FTCD: variants seen among roughly 807,000 people sequenced by gnomAD.
FTCD encodes formimidoyltransferase cyclodeaminase.
FTCD carries 76 observed loss-of-function variants against 62.9 expected under a neutral mutation model. That is an observed-to-expected ratio of 1.21 (90% CI 1.00 to 1.46). The LOEUF (loss-of-function observed/expected upper bound fraction) is 1.46. FTCD is among the 40% of genes most tolerant of loss of function. FTCD has a pLI of 0.00. For synonymous variants in FTCD, 397 were observed against 336.9 expected, an observed-to-expected ratio of 1.18 and a Z score of -1.95; for missense variants, 845 against 751.3, an observed-to-expected ratio of 1.12 and a Z score of -1.46.
chr21:46,155,406 TG>T, intron 1 of FTCD, 63 bp downstream of exon 1: 1 of 1,362,796 alleles, frequency 7.3e-7, no homozygotes. Flanking sequence ...CTCCATGGCC[TG>T]GGCCTTAGCC....
intron 8 of FTCD, 54 bp from the exon 9 acceptor site, chr21:46,146,001 A>C (rs1430017760): frequency 2.3e-5 from 26 of 1,130,732 alleles, no homozygotes; most frequent in Non-Finnish European, 3.1e-5. Context: ...GGGGGAGCGC[A>C]GTCCTCCCGG....
Position 46,137,344 on chromosome 21 carries a change from C to T in FTCD, c.1444-10G>A, listed in dbSNP as rs978588105. 4 of 1,599,992 alleles carry T rather than the reference C, an allele frequency of 2.5e-6. No individual in the cohort carries two copies. Among genetic ancestry groups the T allele is most frequent in the Non-Finnish European group, 3.4e-6 (4 of 1,168,256 alleles). ...GGGCTTTGGCCGCCACCTGCAAGGA[C>T]CCCAGGGAGCCCCTACATGGATCAA... On this transcript the variant is annotated splice_polypyrimidine_tract_variant and intron_variant, in intron 12 of 13. Transcript: ENST00000397746.
At position 46,138,898 on chromosome 21, in the gene FTCD, G is replaced by A; in HGVS notation, c.1286C>T (p.Thr429Ile). Residue 429 changes from threonine (T) to isoleucine (I), a missense_variant, in exon 11 of 14, where the codon ACA becomes ATA. Coordinates refer to ENST00000397746, the MANE Select transcript of FTCD (RefSeq NM_206965.2). The part of the protein sequence containing the change: ...YLEAMRLPKN[T>I]PEEKDRRTAA... ...GGCTCACCTGTCCTTTTCCTCAGGT[G>A]TGTTCTTGGGGAGCCTCATTGCTTC... is the stretch of plus-strand genomic sequence containing the variant. 6.2e-7 allele frequency: 1 copy of A among 1,613,044 alleles called. No homozygotes were observed. The highest frequency in any genetic ancestry group is 1.1e-5 in the South Asian group (1 of 91,068).
chr21:46,147,327 G>A (rs1439842691), intron 7 of FTCD, among the ~76,000 whole-genome samples: 2 of 151,408 alleles, frequency 1.3e-5, no homozygotes, highest in East Asian at 3.9e-4. Context: ...CTAATCACAA[G>A]CCACCCTGAC....
At chr21:46,150,946 C>T (rs542627893) in intron 5 of FTCD, among the ~76,000 whole-genome samples, 1 of 152,374 alleles carries the variant, frequency 6.6e-6, no homozygotes, top group African/African-American at 2.4e-5. Context: ...CTGACCTCTG[C>T]CCTTGGCCGG....
intron 12 of FTCD, among the ~76,000 whole-genome samples, 192 bp downstream of exon 12, chr21:46,138,316 G>C (rs9653793): frequency 6.6e-6 from 1 of 152,196 alleles, no homozygotes; most frequent in African/African-American, 2.4e-5. Flanking sequence ...TGGTGCCGCC[G>C]TGAGCGAGAT....
chr21:46,137,215 G>C (rs1247851829), intron 13 of FTCD, 24 bp downstream of exon 13: 2 of 1,590,558 alleles, frequency 1.3e-6, no homozygotes, highest in Non-Finnish European at 1.7e-6. Context: ...TGGGGTCCGG[G>C]CACCACACCT....
chr21:46,139,159 G>A (rs1228116390), intron 10 of FTCD: 4 of 590,862 alleles, frequency 6.8e-6, no homozygotes. Flanking sequence ...GATGTGAGAA[G>A]CAGGTAGTTC....
intron 10 of FTCD, among the ~76,000 whole-genome samples, chr21:46,139,698 C>A (rs1227574347): frequency 6.6e-6 from 1 of 152,272 alleles, no homozygotes; most frequent in Non-Finnish European, 1.5e-5. Context: ...ACCATTCCGA[C>A]AGCAGTGATC....
intron 12 of FTCD, 81 bp downstream of exon 12, chr21:46,138,427 A>T (rs2078918209): frequency 3.6e-6 from 5 of 1,395,112 alleles, no homozygotes; most frequent in Non-Finnish European, 4.9e-6. Flanking sequence ...CCAGCCAACC[A>T]CCGTGCTCTC....
intron 12 of FTCD, 125 bp downstream of exon 12, chr21:46,138,383 G>T: frequency 1.1e-6 from 1 of 895,552 alleles, no homozygotes; most frequent in Non-Finnish European, 1.7e-6. Context: ...CCCGGGAACT[G>T]CCCGTGAAGT....
Position 46,151,965 on chromosome 21 carries a change from T to C in FTCD, c.383A>G (p.Glu128Gly). ...ELDVPVYLYG[E>G]AARMDSRRTL... is the part of the protein sequence containing the mutation. ...CCGGCGACTGTCCATCCTGGCTGCC[T>C]CGCCGTACAGGTAAACTGCAGGAGA... The change falls in exon 4 of 14, where the codon GAG becomes GGG. Residue 128 changes from glutamate (E) to glycine (G), a missense_variant. Physicochemically the swap from Glu to Gly is moderately conservative, Grantham distance 98. Transcript: ENST00000397746. The C allele has an allele frequency of 6.4e-7, 1 of 1,567,318 alleles. No individual in the cohort carries two copies. The highest frequency in any genetic ancestry group is 1.2e-5 in the South Asian group (1 of 85,574).
intron 12 of FTCD, among the ~76,000 whole-genome samples, chr21:46,137,770 G>A (rs1164320352): frequency 6.6e-6 from 1 of 152,152 alleles, no homozygotes; most frequent in Non-Finnish European, 1.5e-5. Flanking sequence ...AAGACCATGA[G>A]GTCTTAGGGC....
rs929962226 is a variant in FTCD, at chr21:46,155,578, G to A, written c.-55C>T. 1 of 1,488,012 alleles carries A rather than the reference G, an allele frequency of 6.7e-7. No homozygotes were observed. 92.2% of individuals were successfully genotyped at this position (1,488,012 alleles called of 1,614,324 possible). A position where few individuals can be genotyped will look rare whatever the true frequency, so the allele number is the denominator to read the frequency against. Reference sequence around the variant, plus strand: ...CTGGGCAGATGGAAGGACAGGGCCAGTGCTCCGCAGCCGCCGCCAGGGCCT... The same window carrying A: ...CTGGGCAGATGGAAGGACAGGGCCAATGCTCCGCAGCCGCCGCCAGGGCCT... On this transcript the variant is annotated 5_prime_UTR_variant, in exon 1 of 14. Transcript: ENST00000397746.
chr21:46,153,137 C>G, intron 2 of FTCD, 102 bp from the exon 3 acceptor site: 1 of 1,239,050 alleles, frequency 8.1e-7, no homozygotes, highest in South Asian at 1.5e-5. Flanking sequence ...TGGGCAGCCC[C>G]CAGTCCACAC....
chr21:46,138,365 G>C, intron 12 of FTCD, 143 bp downstream of exon 12: 1 of 757,552 alleles, frequency 1.3e-6, no homozygotes, highest in South Asian at 1.7e-5. Context: ...GTTGGAGGAG[G>C]CCAAAGCCCC....
intron 10 of FTCD, among the ~76,000 whole-genome samples, chr21:46,144,055 CCTCT>C (rs371100615): frequency 2.6e-5 from 4 of 151,514 alleles, no homozygotes; most frequent in African/African-American, 7.3e-5. Context: ...TGTGAGCTGT[CCTCT>C]CTCTCTCTGC....
chr21:46,139,639 T>G (rs1007842797), intron 10 of FTCD, among the ~76,000 whole-genome samples: 1 of 152,210 alleles, frequency 6.6e-6, no homozygotes, highest in Non-Finnish European at 1.5e-5. Context: ...CCCTCGACCA[T>G]GGATGAGAGC....
At chr21:46,136,340 G>A (rs1031795139), downstream of FTCD, 14 of 1,174,430 alleles carry the variant, frequency 1.2e-5, no homozygotes, top group African/African-American at 3.0e-5. Flanking sequence ...AGGCAGGGAG[G>A]AAAAGTCTCC....
Sources: allele counts gnomAD v4.1 joint callset (sites outside exome capture counted in the v4.1 genomes callset), GRCh38; gene constraint gnomAD v4.1.1; transcripts MANE v1.5; gene names NCBI Gene and HGNC (gene_info 2026-07-23, HGNC 2026-07-21).